The following LAMA3 variants were observed in gnomAD, a reference collection of about 807,000 sequenced individuals.
LAMA3 encodes the protein laminin subunit alpha-3.
A neutral mutation model predicts 402.0 loss-of-function variants in LAMA3; 281 were observed. That is an observed-to-expected ratio of 0.70 (90% CI 0.63 to 0.77). LAMA3 has a LOEUF of 0.77. LAMA3 is among the 30% of genes least tolerant of loss of function. The pLI, the probability that LAMA3 is intolerant of heterozygous loss-of-function variation, is 0.00. For synonymous variants in LAMA3, 1,431 were observed against 1,558.4 expected (o/e 0.92, Z 1.93); for missense variants, 3,840 against 4,215.5 (o/e 0.91, Z 2.47).
chr18:23,757,894 C>T lies in LAMA3; in HGVS notation c.948-502C>T, dbSNP rs1023999090. Among the ~76,000 whole-genome samples, 6 of 152,238 alleles carry T rather than the reference C, an allele frequency of 3.9e-5. No homozygotes were observed. In the South Asian group the frequency reaches 1.0e-3, roughly 26 times the overall value. On this transcript the variant is annotated intron_variant, in intron 6 of 74. Transcript: ENST00000313654. ...ATGGAGCTGGCGCAGCCTCTGGAAGCAGAGCCCTCTGGGATCTTATTAGCA... is the reference window on the plus strand; with the variant it reads ...ATGGAGCTGGCGCAGCCTCTGGAAGTAGAGCCCTCTGGGATCTTATTAGCA...
chr18:23,818,575 A>G (rs544521528), intron 18 of LAMA3, among the ~76,000 whole-genome samples: 8 of 152,356 alleles, frequency 5.3e-5, no homozygotes, highest in African/African-American at 1.9e-4. Flanking sequence ...TGTAGAAAGA[A>G]TTCACGTTTG....
At chr18:23,878,915 C>G (rs2064809792) in intron 39 of LAMA3, among the ~76,000 whole-genome samples, 1 of 152,080 alleles carries the variant, frequency 6.6e-6, no homozygotes, top group Non-Finnish European at 1.5e-5. Context: ...TGGCCTCCTC[C>G]TATGTGCTGA....
At chr18:23,744,952 C>T (rs2061626117) in intron 2 of LAMA3, among the ~76,000 whole-genome samples, 1 of 151,318 alleles carries the variant, frequency 6.6e-6, no homozygotes, top group Non-Finnish European at 1.5e-5. Context: ...TGATTAAATT[C>T]CGAAATGGGA....
chr18:23,932,333 T>C (rs376772840), intron 66 of LAMA3, 42 bp downstream of exon 66: 1 of 1,608,640 alleles, frequency 6.2e-7, no homozygotes, highest in Non-Finnish European at 8.5e-7. Context: ...GAGAACGGCC[T>C]GCCCATGGGA....
At chr18:23,808,969 T>C (rs905664655) in intron 12 of LAMA3, among the ~76,000 whole-genome samples, 2 of 152,230 alleles carry the variant, frequency 1.3e-5, no homozygotes, top group Non-Finnish European at 1.5e-5. Context: ...CAAACAAGGT[T>C]GTATCTTTTA....
At chr18:23,806,269 C>T (rs948009847) in intron 12 of LAMA3, among the ~76,000 whole-genome samples, 2 of 152,232 alleles carry the variant, frequency 1.3e-5, no homozygotes, top group African/African-American at 4.8e-5. Context: ...ACATCCTTGA[C>T]ATCTATTCTC....
intron 32 of LAMA3, among the ~76,000 whole-genome samples, chr18:23,851,279 TGTC>T (rs2063938269): frequency 6.6e-6 from 1 of 152,346 alleles, no homozygotes; most frequent in African/African-American, 2.4e-5. Context: ...GCACGACCTC[TGTC>T]GTCCTTCGTC....
intron 1 of LAMA3, among the ~76,000 whole-genome samples, chr18:23,697,945 G>T (rs2060714135): frequency 6.6e-6 from 1 of 151,946 alleles, no homozygotes; most frequent in Non-Finnish European, 1.5e-5. Flanking sequence ...TTCTGCCTGT[G>T]TCTTCACATG....
chr18:23,950,685 T>C (rs1257175607), intron 72 of LAMA3, among the ~76,000 whole-genome samples: 1 of 152,348 alleles, frequency 6.6e-6, no homozygotes, highest in East Asian at 1.9e-4. Flanking sequence ...GAGTGAAAGA[T>C]TGATATAATA....
At chr18:23,836,684 A>G (rs2144546676) in intron 24 of LAMA3, among the ~76,000 whole-genome samples, 1 of 152,226 alleles carries the variant, frequency 6.6e-6, no homozygotes, top group Admixed American at 6.5e-5. Flanking sequence ...ATCTGCAGTT[A>G]CTGACCCTGG....
intron 24 of LAMA3, among the ~76,000 whole-genome samples, chr18:23,835,681 C>T (rs777311890): frequency 6.6e-5 from 10 of 152,122 alleles, no homozygotes; most frequent in African/African-American, 1.7e-4. Flanking sequence ...CCTTGCCTGT[C>T]ATGTGGATGA....
chr18:23,917,842 G>T (rs536412893), intron 60 of LAMA3, among the ~76,000 whole-genome samples: 23 of 152,168 alleles, frequency 1.5e-4, no homozygotes, highest in Non-Finnish European at 2.8e-4. Context: ...TCTGTTGATA[G>T]TTTCTTTCAT....
intron 2 of LAMA3, among the ~76,000 whole-genome samples, chr18:23,745,174 TGTG>T (rs1039943941): frequency 5.1e-5 from 2 of 39,088 alleles, no homozygotes; most frequent in Non-Finnish European, 9.3e-5. Context: ...GAATCAAAAA[TGTG>T]TGTGTGTGTG....
At chr18:23,894,130 C>T (rs996117041) in intron 42 of LAMA3, among the ~76,000 whole-genome samples, 168 bp from the exon 43 acceptor site, 16 of 143,812 alleles carry the variant, frequency 1.1e-4, no homozygotes, top group African/African-American at 3.8e-4. Flanking sequence ...TAGGTTGGTG[C>T]AAAAGTAATT....
intron 38 of LAMA3, chr18:23,873,009 G>A (rs2064577692): frequency 1.2e-6 from 2 of 1,613,684 alleles, no homozygotes; most frequent in Non-Finnish European, 1.7e-6. Context: ...AAGAGGCAGA[G>A]GTTCCTGCGC....
chr18:23,849,547 C>G (rs2063897871), intron 32 of LAMA3, among the ~76,000 whole-genome samples: 1 of 152,164 alleles, frequency 6.6e-6, no homozygotes, highest in Non-Finnish European at 1.5e-5. Flanking sequence ...GCTGCTGTCA[C>G]AGAAAAAGAA....
At position 23,915,354 on chromosome 18, in the gene LAMA3, T is replaced by A. The variant is rs764998098; in HGVS notation, c.7710T>A (p.Asn2570Lys). The change falls in exon 59 of 75, where the codon AAT (asparagine) becomes AAA (lysine). Residue 2570 changes from asparagine to lysine, a missense_variant. Physicochemically the swap from Asn to Lys is moderately conservative, Grantham distance 94. Around this residue, in one of 3 missense-constraint regions of LAMA3, gnomAD observed 840 missense variants for 981.9 expected, o/e 0.86. Coordinates refer to ENST00000313654, the MANE Select transcript of LAMA3 (RefSeq NM_198129.4). ...GCIELDDLNE[N>K]VLSLYNFKKT... is the part of the protein sequence containing the mutation. Reference sequence around the variant, plus strand: ...TTGAATTAGATGACCTCAATGAAAATGTTCTGAGCTTGTACAACTTCAAAA... The same window carrying A: ...TTGAATTAGATGACCTCAATGAAAAAGTTCTGAGCTTGTACAACTTCAAAA... 14 of 1,613,436 alleles carry A rather than the reference T, an allele frequency of 8.7e-6. No individual in the cohort carries two copies. The highest frequency in any genetic ancestry group is 1.2e-5 in the Non-Finnish European group (14 of 1,179,486).
chr18:23,788,104 A>G (rs1163578896), intron 12 of LAMA3, among the ~76,000 whole-genome samples: 1 of 152,076 alleles, frequency 6.6e-6, no homozygotes, highest in Non-Finnish European at 1.5e-5. Context: ...ATAGGAAGAA[A>G]TAAAGAGAAC....
chr18:23,875,764 C>T lies in LAMA3; in HGVS notation c.4999-530C>T, dbSNP rs543512342. On this transcript the variant is annotated intron_variant, in intron 38 of 74. Transcript: ENST00000313654. ...ACTTGAAGTGATTTGCTTAGATGTCCTCCCCTCTAAGGACGAGTCTCTTTA... is the reference window on the plus strand; with the variant it reads ...ACTTGAAGTGATTTGCTTAGATGTCTTCCCCTCTAAGGACGAGTCTCTTTA... Among the ~76,000 whole-genome samples, 40 of 152,262 alleles carry T rather than the reference C, an allele frequency of 2.6e-4. No individual in the cohort carries two copies. In the East Asian group the frequency reaches 7.5e-3, roughly 29 times the overall value.
Sources: gnomAD v4.1 joint callset for allele counts (sites outside exome capture counted in the v4.1 genomes callset) on GRCh38, gnomAD v4.1.1 for gene constraint, gnomAD v4.1.1 regional missense constraint, MANE v1.5 for transcripts, NCBI Gene and HGNC (gene_info 2026-07-23, HGNC 2026-07-21) for gene names.